The following AGO3 variants were observed in gnomAD, a reference collection of about 807,000 sequenced individuals.
The protein encoded by AGO3 is protein argonaute-3.
A neutral mutation model predicts 105.5 loss-of-function variants in AGO3; 16 were observed. The ratio of observed to expected loss-of-function variants is 0.15; its 90% CI spans 0.10 to 0.23. The LOEUF is 0.23. Among genes scored for constraint, AGO3 ranks in the 10% least tolerant of loss-of-function variants. AGO3 has a pLI of 1.00. For missense variants in AGO3, 534 were observed against 1,088.0 expected, an observed-to-expected ratio of 0.49 and a Z score of 7.16; for synonymous variants, 340 against 367.3, an observed-to-expected ratio of 0.93 and a Z score of 0.85.
intron 1 of AGO3, among the ~76,000 whole-genome samples, chr1:35,943,646 C>G (rs1377695600): frequency 5.5e-5 from 8 of 146,038 alleles, no homozygotes; most frequent in African/African-American, 2.0e-4. Flanking sequence ...CGCTATCACC[C>G]AGGCTGGAGT....
At chr1:35,958,722 A>T (rs1190878654) in intron 2 of AGO3, among the ~76,000 whole-genome samples, 1 of 152,134 alleles carries the variant, frequency 6.6e-6, no homozygotes, top group Non-Finnish European at 1.5e-5. Context: ...CTTAAACTTT[A>T]TCTTGTTGCA....
At chr1:36,049,061 G>A (rs1179295725) in intron 17 of AGO3, among the ~76,000 whole-genome samples, 6 of 152,176 alleles carry the variant, frequency 3.9e-5, no homozygotes, top group African/African-American at 1.4e-4. Context: ...AACATAGATG[G>A]AGCTGAAGGT....
intron 2 of AGO3, among the ~76,000 whole-genome samples, chr1:35,950,050 G>T (rs749709370): frequency 3.3e-5 from 5 of 152,000 alleles, no homozygotes; most frequent in Admixed American, 6.6e-5. Context: ...GTGAAACCCC[G>T]TCTCTACTAA....
intron 5 of AGO3, among the ~76,000 whole-genome samples, chr1:35,996,684 T>C (rs1462117320): frequency 6.6e-6 from 1 of 151,636 alleles, no homozygotes; most frequent in Non-Finnish European, 1.5e-5. Flanking sequence ...GGCAGGAGAA[T>C]TGCTTGAACC....
rs1276978372 is a variant in AGO3, at chr1:36,068,346, T to G, written c.*12601T>G. 1.3e-5 allele frequency: 2 copies of G among 152,196 alleles called. No homozygotes were observed. The highest frequency in any genetic ancestry group is 2.4e-5 in the African/African-American group (1 of 41,438). 9.4% of individuals were successfully genotyped at this position (152,196 alleles called of 1,614,324 possible). On this transcript the variant is annotated 3_prime_UTR_variant, in exon 19 of 19. Coordinates refer to ENST00000373191, the MANE Select transcript of AGO3 (RefSeq NM_024852.4). ...AACAGAGTATATATCAGGAATATGA[T>G]GTATTATGGCACAGTGATAATATTA...
intron 5 of AGO3, among the ~76,000 whole-genome samples, chr1:35,997,976 T>G (rs1557674655): frequency 6.6e-6 from 1 of 152,182 alleles, no homozygotes; most frequent in Non-Finnish European, 1.5e-5. Flanking sequence ...AACAGAAATT[T>G]GTTTGTCAAT....
At chr1:36,033,273 GT>G (rs1382550334) in intron 12 of AGO3, among the ~76,000 whole-genome samples, 1 of 151,900 alleles carries the variant, frequency 6.6e-6, no homozygotes, top group Non-Finnish European at 1.5e-5. Flanking sequence ...GGAGGCAGAG[GT>G]TGCAGTGAGC....
At chr1:35,951,707 A>G (rs1456299126) in intron 2 of AGO3, among the ~76,000 whole-genome samples, 1 of 152,198 alleles carries the variant, frequency 6.6e-6, no homozygotes, top group African/African-American at 2.4e-5. Context: ...GAATTTTAGA[A>G]AGAAAAAAGT....
chr1:35,948,184 T>C (rs567428621), intron 2 of AGO3, among the ~76,000 whole-genome samples: 8 of 151,724 alleles, frequency 5.3e-5, no homozygotes, highest in African/African-American at 1.9e-4. Flanking sequence ...GGAAATGATA[T>C]GGTGGCAAAA....
chr1:35,977,850 CTA>C (rs1420904571), intron 5 of AGO3, among the ~76,000 whole-genome samples: 1 of 151,716 alleles, frequency 6.6e-6, no homozygotes, highest in Admixed American at 6.6e-5. Context: ...CAATAAGCAT[CTA>C]TTACTTCTTA....
intron 17 of AGO3, among the ~76,000 whole-genome samples, chr1:36,052,336 C>T (rs1329436895): frequency 6.6e-6 from 1 of 151,894 alleles, no homozygotes; most frequent in Non-Finnish European, 1.5e-5. Flanking sequence ...TGCATGATCT[C>T]ACTGGTGGAA....
At chr1:36,020,330 TTCAG>T (rs1388554470) in intron 11 of AGO3, among the ~76,000 whole-genome samples, 2 of 152,212 alleles carry the variant, frequency 1.3e-5, no homozygotes, top group African/African-American at 4.8e-5. Flanking sequence ...TCTTAATAGT[TTCAG>T]TACTGACTGA....
chr1:36,020,655 A>C (rs151279928), intron 11 of AGO3, among the ~76,000 whole-genome samples: 1 of 152,204 alleles, frequency 6.6e-6, no homozygotes, highest in East Asian at 1.9e-4. Context: ...TCGCTCTGTC[A>C]TCCAAGCTGG....
intron 5 of AGO3, among the ~76,000 whole-genome samples, chr1:35,985,964 G>T (rs1647165793): frequency 6.6e-6 from 1 of 152,200 alleles, no homozygotes; most frequent in African/African-American, 2.4e-5. Context: ...TAATAATCAA[G>T]AACTTGCAAG....
rs377292586 is a variant in AGO3 at position 36,058,351 on chromosome 1, AC to A, written c.*2607del. The stretch of plus-strand genomic sequence containing the variant: ...ATTACACTTTAAGGTATTAAAAAGT[AC>A]TATAAAGCTATCAAAACTGAGTTTA... On this transcript the variant is annotated 3_prime_UTR_variant, in exon 19 of 19. Coordinates refer to ENST00000373191, the MANE Select transcript of AGO3 (RefSeq NM_024852.4). The A allele has an allele frequency of 1.1e-4, 17 of 152,312 alleles. No homozygotes were observed. The highest frequency in any genetic ancestry group is 3.8e-4 in the African/African-American group (16 of 41,566). The allele number at this position is 152,312 out of a possible 1,614,324, so 9.4% of individuals were successfully genotyped here. A position where few individuals can be genotyped will look rare whatever the true frequency, so the allele number is the denominator to read the frequency against.
In AGO3 at chr1:36,027,940, C is replaced by A. The variant is rs904277294; in HGVS notation, c.1591+642C>A. Reference sequence around the variant, plus strand: ...AAATTAAACTGTGTTGCTCAATATTCAGGTACTGCCGGTTCTACTACCTGT... The same window carrying A: ...AAATTAAACTGTGTTGCTCAATATTAAGGTACTGCCGGTTCTACTACCTGT... On this transcript the variant is annotated intron_variant, in intron 12 of 18. Coordinates refer to ENST00000373191, the MANE Select transcript of AGO3 (RefSeq NM_024852.4). This position sits in a 1 kb window ranked among gnomAD's most constrained non-coding sequence, Gnocchi z 4.0. Among the ~76,000 whole-genome samples the A allele has an allele frequency of 6.6e-6, 1 of 152,210 alleles. No individual in the cohort carries two copies. The highest frequency in any genetic ancestry group is 1.5e-5 in the Non-Finnish European group (1 of 68,040).
intron 3 of AGO3, among the ~76,000 whole-genome samples, chr1:35,968,702 T>C (rs574016683): frequency 7.9e-4 from 121 of 152,328 alleles, no homozygotes; most frequent in African/African-American, 2.7e-3. Context: ...GCTATGAACA[T>C]AGATGTAAAA....
intron 5 of AGO3, among the ~76,000 whole-genome samples, chr1:35,996,038 A>T (rs985867437): frequency 4.2e-4 from 64 of 152,274 alleles, no homozygotes; most frequent in African/African-American, 1.5e-3. Context: ...TGAGAACACC[A>T]TTAAGAAAAT....
chr1:36,035,755 G>A (rs1252085441), intron 13 of AGO3, among the ~76,000 whole-genome samples: 2 of 152,116 alleles, frequency 1.3e-5, no homozygotes, highest in African/African-American at 2.4e-5. Context: ...TGGATTGGCC[G>A]GGTGCGGTGG....
Sources: gnomAD v4.1 joint callset for allele counts (sites outside exome capture counted in the v4.1 genomes callset) on GRCh38, gnomAD v4.1.1 for gene constraint, Gnocchi (gnomAD v3.1) non-coding constraint, MANE v1.5 for transcripts, NCBI Gene and HGNC (gene_info 2026-07-23, HGNC 2026-07-21) for gene names.